The following MYO18A variants were observed in gnomAD, a reference collection of about 807,000 sequenced individuals.
MYO18A encodes unconventional myosin-XVIIIa.
In MYO18A, 78 loss-of-function variants were observed where a neutral mutation model predicts 235.8. The observed-to-expected ratio is 0.33, with a 90% CI of 0.28 to 0.40. The LOEUF is 0.40. Ranked by LOEUF, MYO18A falls within the 10% of genes least tolerant of loss-of-function variation. The probability of loss-of-function intolerance (pLI) is 1.00; values close to 1 mark genes in which losing one functional copy is unlikely to be tolerated. For missense variants in MYO18A, 2,215 were observed against 2,699.3 expected, an observed-to-expected ratio of 0.82 and a Z score of 3.98; for synonymous variants, 977 against 1,077.8, an observed-to-expected ratio of 0.91 and a Z score of 1.83.
rs780473534 is a variant in MYO18A, at chr17:29,166,897, C to T, written c.44G>A (p.Arg15Gln). 1.3e-6 allele frequency: 2 copies of T among 1,550,236 alleles called. No individual in the cohort carries two copies. The highest frequency in any genetic ancestry group is 4.9e-5 in the East Asian group (2 of 40,874). Residue 15 changes from arginine to glutamine, a missense_variant, in exon 2 of 42, where the codon CGG (arginine) becomes CAG (glutamine). By Grantham distance (43) the Arg-to-Gln change is conservative. Transcript: ENST00000527372. The stretch of plus-strand genomic sequence containing the variant: ...CTCCTTTTTCTCCTTCTTCTCCTTC[C>T]GCCCGCCATCTTTGTCCTTGTCTTT... ...MKKDKDKDGGRKEKKEKKEKK... is the reference protein window; with the variant it reads ...MKKDKDKDGGQKEKKEKKEKK...
At chr17:29,129,928 T>A (rs1598352831) in intron 2 of MYO18A, among the ~76,000 whole-genome samples, 1 of 152,180 alleles carries the variant, frequency 6.6e-6, no homozygotes, top group Non-Finnish European at 1.5e-5. Context: ...AGTTGGCCAG[T>A]GGCCCTAGCC....
At chr17:29,114,281 T>C (rs2067004606) in intron 14 of MYO18A, 184 bp from the exon 15 acceptor site, 1 of 576,928 alleles carries the variant, frequency 1.7e-6, no homozygotes, top group Non-Finnish European at 3.1e-6. Context: ...TTTGCACAGC[T>C]AAAATTCTCA....
intron 1 of MYO18A, among the ~76,000 whole-genome samples, chr17:29,167,860 CAGA>C (rs756023064): frequency 2.6e-5 from 4 of 152,200 alleles, no homozygotes; most frequent in Non-Finnish European, 5.9e-5. Flanking sequence ...CACCGCCTAA[CAGA>C]AGAACTCAAA....
At chr17:29,143,853 C>T (rs2067794399) in intron 2 of MYO18A, among the ~76,000 whole-genome samples, 1 of 152,196 alleles carries the variant, frequency 6.6e-6, no homozygotes, top group South Asian at 2.1e-4. Context: ...TCCTGACTTC[C>T]TGGCCTGGCT....
chr17:29,084,182 G>GT (rs765918557), intron 40 of MYO18A, among the ~76,000 whole-genome samples: 44 of 152,304 alleles, frequency 2.9e-4, no homozygotes, highest in East Asian at 2.1e-3. Context: ...ACACACCAGT[G>GT]TGTGTGAGTG....
Position 29,109,462 on chromosome 17 carries a change from T to G in MYO18A, c.3331+396A>C, listed in dbSNP as rs1465398931. On this transcript the variant is annotated intron_variant, in intron 19 of 41. Coordinates refer to ENST00000527372, the MANE Select transcript of MYO18A (RefSeq NM_078471.4). This position sits in a 1 kb window ranked among gnomAD's most constrained non-coding sequence, Gnocchi z 4.1. Reference sequence around the variant, plus strand: ...ACCTTTCTTGGGAATTTTAAGTACTTCAGAAAGATTTAGCACCTCATTTCT... The same window carrying G: ...ACCTTTCTTGGGAATTTTAAGTACTGCAGAAAGATTTAGCACCTCATTTCT... 6.6e-6 allele frequency among the ~76,000 whole-genome samples: 1 copy of G among 152,160 alleles called. No homozygotes were observed. Among genetic ancestry groups the G allele is most frequent in the Admixed American group, 6.5e-5 (1 of 15,280 alleles).
At chr17:29,088,468 A>G (rs905365355) in intron 37 of MYO18A, among the ~76,000 whole-genome samples, 1 of 152,078 alleles carries the variant, frequency 6.6e-6, no homozygotes, top group African/African-American at 2.4e-5. Flanking sequence ...AATGCCATCT[A>G]GATGCCCACC....
intron 2 of MYO18A, chr17:29,134,001 G>T: frequency 2.4e-6 from 1 of 422,954 alleles, no homozygotes; most frequent in Non-Finnish European, 4.2e-6. Flanking sequence ...AAACTCAAGA[G>T]GGCATTGGAG....
In MYO18A at chr17:29,111,330, T is replaced by A; in HGVS notation, c.2900+94A>T. On this transcript the variant is annotated intron_variant, in intron 17 of 41. Coordinates refer to ENST00000527372, the MANE Select transcript of MYO18A (RefSeq NM_078471.4). The surrounding 1 kb of genome is among the most constrained non-coding windows in gnomAD (Gnocchi z 5.1). ...GAATAAAGGCCATCTACTTTGCTAG[T>A]GAGGGGGCCTCTGAGACAACCCCAG... 7.0e-7 allele frequency: 1 copy of A among 1,419,966 alleles called. No individual in the cohort carries two copies. The highest frequency in any genetic ancestry group is 9.6e-7 in the Non-Finnish European group (1 of 1,040,042). The allele number at this position is 1,419,966 out of a possible 1,614,324, so 88.0% of individuals were successfully genotyped here. A position where few individuals can be genotyped will look rare whatever the true frequency, so the allele number is the denominator to read the frequency against.
intron 2 of MYO18A, among the ~76,000 whole-genome samples, chr17:29,151,235 G>GA (rs966564874): frequency 1.1e-4 from 16 of 152,154 alleles, no homozygotes; most frequent in African/African-American, 2.6e-4. Flanking sequence ...CCCCGTCTCA[G>GA]AAAAAATTCC....
Position 29,096,927 on chromosome 17 carries a change from G to T in MYO18A, c.4231-12C>A, listed in dbSNP as rs1212441087. On this transcript the variant is annotated splice_polypyrimidine_tract_variant and intron_variant, in intron 27 of 41. Transcript: ENST00000527372. ...TGCAGGTCCCCGAGCTAGGGGCCAA[G>T]ATGGGGTGCATATACAGAGAGACCC... 1 of 1,552,588 alleles carries T rather than the reference G, an allele frequency of 6.4e-7. No individual in the cohort carries two copies. The highest frequency in any genetic ancestry group is 8.7e-7 in the Non-Finnish European group (1 of 1,149,988).
chr17:29,101,993 C>G (rs1342475432), intron 21 of MYO18A, among the ~76,000 whole-genome samples: 2 of 152,122 alleles, frequency 1.3e-5, no homozygotes, highest in Non-Finnish European at 2.9e-5. Context: ...AGATGAAGAC[C>G]CCCCTCCTCT....
rs781396073 is a variant in MYO18A at position 29,097,241 on chromosome 17, C to G, written c.4212G>C (p.Lys1404Asn). Reference sequence around the variant, plus strand: ...GCCTCACCCGCCGTTCCAGCTGCCTCTTGTTCTGCTGCTCCACCTCCAGCT... The same window carrying G: ...GCCTCACCCGCCGTTCCAGCTGCCTGTTGTTCTGCTGCTCCACCTCCAGCT... ...EDKLEVEQQN[K>N]RQLERRLGDL... Residue 1404 changes from lysine to asparagine, a missense_variant, in exon 27 of 42, where the codon AAG becomes AAC. Lys to Asn is a moderately conservative substitution (Grantham distance 94). Coordinates refer to ENST00000527372, the MANE Select transcript of MYO18A (RefSeq NM_078471.4). 17 of 1,610,720 alleles carry G rather than the reference C, an allele frequency of 1.1e-5. No homozygotes were observed. The South Asian group carries it at 1.9e-4, about 18-fold the overall frequency.
At chr17:29,159,864 G>A (rs535406918) in intron 2 of MYO18A, among the ~76,000 whole-genome samples, 72 of 152,236 alleles carry the variant, frequency 4.7e-4, no homozygotes, top group African/African-American at 1.7e-3. Context: ...CTCCTGCAGG[G>A]CCACCAATGG....
At chr17:29,091,164 C>T (rs2066389858) in intron 34 of MYO18A, 1 of 513,694 alleles carries the variant, frequency 1.9e-6, no homozygotes, top group Non-Finnish European at 3.5e-6. Flanking sequence ...TGAATGACAG[C>T]TGCTTCCTGG....
At chr17:29,096,110 T>G (rs1441757371) in intron 28 of MYO18A, among the ~76,000 whole-genome samples, 2 of 152,214 alleles carry the variant, frequency 1.3e-5, no homozygotes, top group Non-Finnish European at 2.9e-5. Context: ...CCCAGTGTTG[T>G]GGGTGTGGGG....
At chr17:29,113,842 G>C (rs1042449896) in intron 15 of MYO18A, among the ~76,000 whole-genome samples, 169 bp downstream of exon 15, 1 of 152,186 alleles carries the variant, frequency 6.6e-6, no homozygotes, top group Admixed American at 6.5e-5. Context: ...GTGCTGAGGG[G>C]CAGAGCCCCA....
At chr17:29,128,149 C>T (rs2152884308) in intron 2 of MYO18A, 1 of 1,114,062 alleles carries the variant, frequency 9.0e-7, no homozygotes. Flanking sequence ...AGAGCTCATC[C>T]TTGGCTGCCT....
intron 1 of MYO18A, among the ~76,000 whole-genome samples, chr17:29,174,825 GC>G: frequency 6.6e-6 from 1 of 152,006 alleles, no homozygotes; most frequent in African/African-American, 2.4e-5. Flanking sequence ...AAAAAAAAAA[GC>G]TAAATTATAC....
Sources: allele counts gnomAD v4.1 joint callset (sites outside exome capture counted in the v4.1 genomes callset), GRCh38; gene constraint gnomAD v4.1.1; non-coding constraint Gnocchi (gnomAD v3.1); transcripts MANE v1.5; gene names NCBI Gene and HGNC (gene_info 2026-07-23, HGNC 2026-07-21).